KCNH8: variants seen among roughly 807,000 people sequenced by gnomAD.
The protein encoded by KCNH8 is potassium voltage-gated channel subfamily H member 8, also known as voltage-gated delayed rectifier potassium channel KCNH8.
In KCNH8, 70 loss-of-function variants were observed where a neutral mutation model predicts 103.6. The observed-to-expected ratio is 0.68, with a 90% CI of 0.56 to 0.82. The LOEUF (loss-of-function observed/expected upper bound fraction) is 0.82. KCNH8 is among the 40% of genes least tolerant of loss of function. KCNH8 has a pLI of 0.00. For synonymous variants in KCNH8, 498 were observed against 489.4 expected (o/e 1.02, Z -0.23); for missense variants, 1,217 against 1,329.9 (o/e 0.92, Z 1.32).
intron 7 of KCNH8, among the ~76,000 whole-genome samples, chr3:19,416,181 C>G (rs1487495876): frequency 1.3e-5 from 2 of 151,936 alleles, no homozygotes; most frequent in East Asian, 3.9e-4. Context: ...TTACATGATA[C>G]TGATTTTTCA....
Position 19,465,026 on chromosome 3 carries a change from A to G in KCNH8, c.2040+8044A>G, listed in dbSNP as rs532938347. Among the ~76,000 whole-genome samples the G allele has an allele frequency of 2.6e-5, 4 of 152,346 alleles. No individual in the cohort carries two copies. The East Asian group carries it at 7.7e-4, about 29-fold the overall frequency. ...GTAACTCAAGAAAAGTTTTGAAGGCATTACTTAGAAGATTTTCTTTTCTTT... is the reference window on the plus strand; with the variant it reads ...GTAACTCAAGAAAAGTTTTGAAGGCGTTACTTAGAAGATTTTCTTTTCTTT... On this transcript the variant is annotated intron_variant, in intron 11 of 15. Coordinates refer to ENST00000328405, the MANE Select transcript of KCNH8 (RefSeq NM_144633.3).
chr3:19,271,122 C>T (rs2064581743), intron 2 of KCNH8, among the ~76,000 whole-genome samples: 1 of 151,990 alleles, frequency 6.6e-6, no homozygotes, highest in African/African-American at 2.4e-5. Flanking sequence ...ATAATGATTC[C>T]TTTGGTAATT....
chr3:19,519,855 A>G (rs369840169), intron 15 of KCNH8, among the ~76,000 whole-genome samples: 1 of 151,936 alleles, frequency 6.6e-6, no homozygotes, highest in Non-Finnish European at 1.5e-5. Context: ...TGACTGACCT[A>G]TATCTTAGTT....
At chr3:19,376,252 C>T (rs1001300504) in intron 5 of KCNH8, among the ~76,000 whole-genome samples, 4 of 152,226 alleles carry the variant, frequency 2.6e-5, no homozygotes, top group Non-Finnish European at 4.4e-5. Context: ...ATCAGCGAGA[C>T]TCTGTGGGCG....
intron 1 of KCNH8, among the ~76,000 whole-genome samples, chr3:19,214,666 G>A (rs1387536108): frequency 2.0e-5 from 3 of 152,208 alleles, no homozygotes; most frequent in African/African-American, 7.2e-5. Context: ...TTTCCTGAGA[G>A]TATTCCCTCA....
At position 19,533,911 on chromosome 3, in the gene KCNH8, C is replaced by T; in HGVS notation, c.3136C>T (p.Leu1046Phe). 1 of 1,614,116 alleles carries T rather than the reference C, an allele frequency of 6.2e-7. No homozygotes were observed. Among genetic ancestry groups the T allele is most frequent in the Non-Finnish European group, 8.5e-7 (1 of 1,180,016 alleles). The change falls in exon 16 of 16, where the codon CTC becomes TTC. Residue 1046 changes from leucine to phenylalanine, a missense_variant. Leu to Phe is a conservative substitution (Grantham distance 22, BLOSUM62 0). This residue lies in a region of KCNH8 where 558 missense variants were observed against 495.8 expected (regional missense o/e 1.13). Transcript: ENST00000328405. ...SSSETSLHLV[L>F]PSRSEEGSFS... ...TTCGGAAACATCTTTGCACCTAGTT[C>T]TCCCAAGCAGATCAGAGGAGGGCAG...
chr3:19,478,273 G>T lies in KCNH8; in HGVS notation c.2040+21291G>T, dbSNP rs188165833. 7.9e-5 allele frequency among the ~76,000 whole-genome samples: 12 copies of T among 152,018 alleles called. No individual in the cohort carries two copies. In the East Asian group the frequency reaches 2.1e-3, roughly 27 times the overall value. ...AATGCAGGTATCATTTTGATGTAAT[G>T]ATTTCCTGCCCTCTCGGTGTATACC... On this transcript the variant is annotated intron_variant, in intron 11 of 15. Coordinates refer to ENST00000328405, the MANE Select transcript of KCNH8 (RefSeq NM_144633.3).
At chr3:19,512,844 T>G (rs2068804986) in intron 12 of KCNH8, 126 bp from the exon 13 acceptor site, 1 of 818,678 alleles carries the variant, frequency 1.2e-6, no homozygotes, top group African/African-American at 1.7e-5. Context: ...TGCAAAGACT[T>G]CAGTTTTAAT....
intron 11 of KCNH8, among the ~76,000 whole-genome samples, chr3:19,496,197 G>A (rs553731709): frequency 6.6e-6 from 1 of 151,902 alleles, no homozygotes; most frequent in Non-Finnish European, 1.5e-5. Flanking sequence ...TCTTTCTCTT[G>A]CCTTAGTACC....
In KCNH8 at chr3:19,347,894, G is replaced by A. The variant is rs1346859166; in HGVS notation, c.740G>A (p.Gly247Asp). 6.2e-7 allele frequency: 1 copy of A among 1,613,292 alleles called. No homozygotes were observed. The highest frequency in any genetic ancestry group is 1.1e-5 in the South Asian group (1 of 91,054). Residue 247 changes from glycine to aspartate, a missense_variant, in exon 5 of 16, where the codon GGC becomes GAC. By Grantham distance (94) the Gly-to-Asp change is moderately conservative (BLOSUM62 -1). Transcript: ENST00000328405. The stretch of plus-strand genomic sequence containing the variant: ...GTACCTTACAACGTTTGCTTTATTG[G>A]CAATGACGACCTGTCCACAACTCGG... ...VTVPYNVCFI[G>D]NDDLSTTRST... is the part of the protein sequence containing the mutation.
intron 1 of KCNH8, among the ~76,000 whole-genome samples, chr3:19,227,260 C>G (rs1233094511): frequency 1.3e-5 from 2 of 152,144 alleles, no homozygotes. Flanking sequence ...TTCTTTCCAC[C>G]TGGGGCCAAG....
intron 1 of KCNH8, among the ~76,000 whole-genome samples, chr3:19,165,521 C>T (rs561919436): frequency 3.8e-4 from 58 of 152,246 alleles, no homozygotes; most frequent in Non-Finnish European, 6.5e-4. Context: ...CAGCAGAGCT[C>T]TCAATTCTCC....
intron 3 of KCNH8, among the ~76,000 whole-genome samples, chr3:19,330,287 C>T (rs1330630290): frequency 1.3e-5 from 2 of 152,068 alleles, no homozygotes; most frequent in East Asian, 1.9e-4. Context: ...TCTTATTCTC[C>T]CTTATAAATG....
intron 11 of KCNH8, among the ~76,000 whole-genome samples, chr3:19,476,955 T>G (rs546670051): frequency 6.6e-6 from 1 of 152,286 alleles, no homozygotes; most frequent in East Asian, 1.9e-4. Flanking sequence ...TCTTATTGAC[T>G]GTATTCACAC....
At position 19,534,582 on chromosome 3, in the gene KCNH8, T is replaced by C. The variant is rs2069234933; in HGVS notation, c.*483T>C. On this transcript the variant is annotated 3_prime_UTR_variant, in exon 16 of 16. Transcript: ENST00000328405. The stretch of plus-strand genomic sequence containing the variant: ...ACAATTATCACTGCATGTCATCTCC[T>C]AGACAATCAGTCAAATAGAGCTGGT... The C allele has an allele frequency of 6.4e-6, 1 of 155,632 alleles. No individual in the cohort carries two copies. Among genetic ancestry groups the C allele is most frequent in the African/African-American group, 2.4e-5 (1 of 41,500 alleles). 9.6% of individuals were successfully genotyped at this position (155,632 alleles called of 1,614,324 possible).
At chr3:19,311,535 A>T (rs1166993252) in intron 3 of KCNH8, among the ~76,000 whole-genome samples, 3 of 151,714 alleles carry the variant, frequency 2.0e-5, no homozygotes, top group Non-Finnish European at 4.4e-5. Flanking sequence ...TGTCATAGAC[A>T]TTTTTTGCCT....
At chr3:19,168,162 G>A (rs989529962) in intron 1 of KCNH8, among the ~76,000 whole-genome samples, 2 of 151,646 alleles carry the variant, frequency 1.3e-5, no homozygotes, top group Non-Finnish European at 2.9e-5. Flanking sequence ...GGTGCCTGCC[G>A]CCATGCCCAG....
intron 2 of KCNH8, among the ~76,000 whole-genome samples, chr3:19,274,827 T>C (rs1350127038): frequency 1.2e-5 from 1 of 82,410 alleles, no homozygotes; most frequent in Non-Finnish European, 2.4e-5. Context: ...TTCCCTTCCC[T>C]TCCCTCCCCT....
intron 5 of KCNH8, among the ~76,000 whole-genome samples, chr3:19,350,221 T>C (rs996965053): frequency 1.3e-5 from 2 of 152,094 alleles, no homozygotes; most frequent in African/African-American, 2.4e-5. Context: ...AAAGTGATCA[T>C]TGAGAAATAA....
Sources: allele counts gnomAD v4.1 joint callset (sites outside exome capture counted in the v4.1 genomes callset), GRCh38; gene constraint gnomAD v4.1.1; regional missense constraint gnomAD v4.1.1; transcripts MANE v1.5; gene names NCBI Gene and HGNC (gene_info 2026-07-23, HGNC 2026-07-21).